The following LAMA2 variants were observed in gnomAD, a reference collection of about 807,000 sequenced individuals.
LAMA2 encodes the protein laminin subunit alpha-2.
In LAMA2, 269 loss-of-function variants were observed where a neutral mutation model predicts 364.8. That is an observed-to-expected ratio of 0.74 (90% CI 0.67 to 0.82). LAMA2 has a LOEUF of 0.82. Ranked by LOEUF, LAMA2 falls within the 40% of genes least tolerant of loss-of-function variation. LAMA2 has a pLI of 0.00. For synonymous variants in LAMA2, 1,379 were observed against 1,370.6 expected, an observed-to-expected ratio of 1.01 and a Z score of -0.14; for missense variants, 3,807 against 3,873.2, an observed-to-expected ratio of 0.98 and a Z score of 0.45.
chr6:129,007,702 G>A (rs763829690), intron 1 of LAMA2, among the ~76,000 whole-genome samples: 8 of 152,254 alleles, frequency 5.3e-5, no homozygotes, highest in Non-Finnish European at 1.2e-4. Flanking sequence ...ATTTTCTGAT[G>A]AAGGAATAGT....
intron 56 of LAMA2, chr6:129,490,604 A>C (rs1004091959): frequency 3.3e-5 from 5 of 152,224 alleles, no homozygotes; most frequent in Non-Finnish European, 5.9e-5. Flanking sequence ...TGCTAAGAAG[A>C]GGCTGCTTTC....
intron 37 of LAMA2, among the ~76,000 whole-genome samples, chr6:129,400,247 C>G (rs1779893848): frequency 1.3e-5 from 2 of 152,124 alleles, no homozygotes; most frequent in South Asian, 4.1e-4. Flanking sequence ...TCCAAAGGCC[C>G]CACTTCCTAA....
Position 128,912,588 on chromosome 6 carries a change from C to T in LAMA2, c.112+29231C>T, listed in dbSNP as rs189774336. Among the ~76,000 whole-genome samples, 165 of 152,008 alleles carry T rather than the reference C, an allele frequency of 1.1e-3. 2 individuals carry two copies. The highest frequency in any genetic ancestry group is 0.01 in the South Asian group (50 of 4,800). On this transcript the variant is annotated intron_variant, in intron 1 of 64. Coordinates refer to ENST00000421865, the MANE Select transcript of LAMA2 (RefSeq NM_000426.4). ...ATACAAAAGGAAGAAAAGAAAAATC[C>T]CAATTTATTCATTAAATAAGAATGT...
At chr6:128,952,295 C>T (rs1473186715) in intron 1 of LAMA2, among the ~76,000 whole-genome samples, 1 of 152,122 alleles carries the variant, frequency 6.6e-6, no homozygotes, top group Non-Finnish European at 1.5e-5. Flanking sequence ...ATTTTAACAG[C>T]TCTTGAAAAT....
chr6:129,371,593 C>A (rs1328408202), intron 34 of LAMA2, among the ~76,000 whole-genome samples: 2 of 147,792 alleles, frequency 1.4e-5, no homozygotes, highest in Non-Finnish European at 3.0e-5. Context: ...ACGTTAGAGA[C>A]ACAAAAAGTA....
chr6:129,483,804 C>T (rs1784469450), intron 55 of LAMA2, among the ~76,000 whole-genome samples: 1 of 152,084 alleles, frequency 6.6e-6, no homozygotes, highest in Non-Finnish European at 1.5e-5. Flanking sequence ...CCTGAAAATA[C>T]ACAAGCATAG....
At chr6:128,930,836 A>G (rs917389243) in intron 1 of LAMA2, among the ~76,000 whole-genome samples, 3 of 152,200 alleles carry the variant, frequency 2.0e-5, no homozygotes, top group Non-Finnish European at 4.4e-5. Flanking sequence ...CTGGCTTTCA[A>G]GACCATCACA....
At chr6:129,442,176 T>A (rs1353837585) in intron 43 of LAMA2, 3 of 1,310,314 alleles carry the variant, frequency 2.3e-6, no homozygotes, top group East Asian at 5.0e-5. Flanking sequence ...AAAATTCAAA[T>A]GCTGTTTGAG....
chr6:129,376,399 G>C (rs1224250972), intron 34 of LAMA2, among the ~76,000 whole-genome samples: 1 of 152,158 alleles, frequency 6.6e-6, no homozygotes, highest in Non-Finnish European at 1.5e-5. Flanking sequence ...TTTTTAGCTG[G>C]TCTCTCTGCT....
At chr6:129,162,450 TC>T (rs1779494880) in intron 8 of LAMA2, among the ~76,000 whole-genome samples, 1 of 152,050 alleles carries the variant, frequency 6.6e-6, no homozygotes. Flanking sequence ...TTGAAAAATT[TC>T]CTTTAACATT....
chr6:129,173,402 C>T (rs930974356), intron 9 of LAMA2, among the ~76,000 whole-genome samples: 1 of 152,228 alleles, frequency 6.6e-6, no homozygotes, highest in African/African-American at 2.4e-5. Context: ...TTCAAGAGAG[C>T]TTACATGTCT....
chr6:129,473,471 G>A, intron 52 of LAMA2, 119 bp downstream of exon 52: 1 of 955,734 alleles, frequency 1.0e-6, no homozygotes, highest in East Asian at 2.5e-5. Context: ...TTGCAGAAAG[G>A]CCTAATCAAA....
At chr6:129,362,385 C>T (rs1042743255) in intron 32 of LAMA2, among the ~76,000 whole-genome samples, 1 of 152,098 alleles carries the variant, frequency 6.6e-6, no homozygotes, top group African/African-American at 2.4e-5. Context: ...CAGAAGTTTT[C>T]TTCCGGCCAA....
At chr6:129,200,433 C>CACATATACATATACGTGTATATGTGTAG in intron 12 of LAMA2, among the ~76,000 whole-genome samples, 1 of 147,828 alleles carries the variant, frequency 6.8e-6, no homozygotes, top group African/African-American at 2.5e-5. Flanking sequence ...TATATGTGTA[C>CACATATACATATACGTGTATATGTGTAG]ACATATACAT....
Position 129,051,724 on chromosome 6 carries a change from A to C in LAMA2, c.283+1636A>C, listed in dbSNP as rs550360461. Among the ~76,000 whole-genome samples, 128 of 140,640 alleles carry C rather than the reference A, an allele frequency of 9.1e-4. 2 individuals carry two copies. The South Asian group carries it at 0.013, about 14-fold the overall frequency. The allele number at this position is 140,640 out of a possible 152,430, so 92.3% of individuals were successfully genotyped here. A position where few individuals can be genotyped will look rare whatever the true frequency, so the allele number is the denominator to read the frequency against. ...TCTATAGATATCTATATCTATAGATAGATATATAGAGGCCAGAAAGTAAAT... is the reference window on the plus strand; with the variant it reads ...TCTATAGATATCTATATCTATAGATCGATATATAGAGGCCAGAAAGTAAAT... On this transcript the variant is annotated intron_variant, in intron 2 of 64. Coordinates refer to ENST00000421865, the MANE Select transcript of LAMA2 (RefSeq NM_000426.4).
chr6:129,161,548 T>G (rs569814089), intron 8 of LAMA2, among the ~76,000 whole-genome samples: 1 of 152,304 alleles, frequency 6.6e-6, no homozygotes, highest in Non-Finnish European at 1.5e-5. Flanking sequence ...ACTTTTATTT[T>G]AGGTTCAGGT....
intron 40 of LAMA2, among the ~76,000 whole-genome samples, chr6:129,413,899 A>G (rs1780660407): frequency 6.6e-6 from 1 of 152,152 alleles, no homozygotes; most frequent in African/African-American, 2.4e-5. Context: ...AGCAGAAATT[A>G]ATGACCTAAG....
chr6:129,188,726 A>T (rs1480772364), intron 10 of LAMA2, among the ~76,000 whole-genome samples: 2 of 151,988 alleles, frequency 1.3e-5, no homozygotes, highest in Non-Finnish European at 2.9e-5. Flanking sequence ...TCCCACATAG[A>T]AGTGGCTGAG....
At chr6:128,887,849 A>G (rs985647620) in intron 1 of LAMA2, among the ~76,000 whole-genome samples, 1 of 152,172 alleles carries the variant, frequency 6.6e-6, no homozygotes, top group Non-Finnish European at 1.5e-5. Flanking sequence ...CAGCCTGGGC[A>G]ACAGAGGGAG....
Sources: allele counts gnomAD v4.1 joint callset (sites outside exome capture counted in the v4.1 genomes callset), GRCh38; gene constraint gnomAD v4.1.1; transcripts MANE v1.5; gene names NCBI Gene and HGNC (gene_info 2026-07-23, HGNC 2026-07-21).